Variants in LRP6 observed in about 807,000 individuals in gnomAD.
LRP6 encodes the protein LDL receptor related protein 6, also known as low-density lipoprotein receptor-related protein 6.
LRP6 carries 43 observed loss-of-function variants against 184.1 expected under a neutral mutation model. The ratio of observed to expected loss-of-function variants is 0.23; its 90% CI spans 0.18 to 0.30. LRP6 has a LOEUF of 0.30. Ranked by LOEUF, LRP6 falls within the 10% of genes least tolerant of loss-of-function variation. The probability of loss-of-function intolerance (pLI) is 1.00; values close to 1 mark genes in which losing one functional copy is unlikely to be tolerated. For synonymous variants in LRP6, 719 were observed against 684.9 expected (o/e 1.05, Z -0.78); for missense variants, 1,571 against 2,005.3 (o/e 0.78, Z 4.14).
intron 2 of LRP6, among the ~76,000 whole-genome samples, chr12:12,225,122 T>C (rs928213584): frequency 6.6e-6 from 1 of 152,074 alleles, no homozygotes; most frequent in Admixed American, 6.5e-5. Context: ...GGCGAATCGC[T>C]TGAACCCAGT....
chr12:12,148,646 C>T lies in LRP6; in HGVS notation c.3206+296G>A, dbSNP rs190739516. 9.9e-4 allele frequency among the ~76,000 whole-genome samples: 151 copies of T among 152,234 alleles called. 1 individual carries two copies. The highest frequency in any genetic ancestry group is 5.0e-3 in the East Asian group (26 of 5,180). On this transcript the variant is annotated intron_variant, in intron 14 of 22. Coordinates refer to ENST00000261349, the MANE Select transcript of LRP6 (RefSeq NM_002336.3). ...AGGAGGGGGCAAAAATCACATCTGGCTGGGATGAGGTAGATCGAGGAAAAC... is the reference window on the plus strand; with the variant it reads ...AGGAGGGGGCAAAAATCACATCTGGTTGGGATGAGGTAGATCGAGGAAAAC...
At position 12,221,634 on chromosome 12, in the gene LRP6, A is replaced by T. The variant is rs1323687423; in HGVS notation, c.450-18234T>A. On this transcript the variant is annotated intron_variant, in intron 2 of 22. Coordinates refer to ENST00000261349, the MANE Select transcript of LRP6 (RefSeq NM_002336.3). ...GAACTCAGGAATCAATATTTTTTTA[A>T]CAGCTTCCCAAGGAATTCTAATGCA... Among the ~76,000 whole-genome samples, 3 of 152,318 alleles carry T rather than the reference A, an allele frequency of 2.0e-5. No individual in the cohort carries two copies. The East Asian group carries it at 5.8e-4, about 29-fold the overall frequency.
intron 2 of LRP6, among the ~76,000 whole-genome samples, chr12:12,243,214 G>C (rs1469935757): frequency 2.0e-5 from 3 of 152,142 alleles, no homozygotes; most frequent in Non-Finnish European, 4.4e-5. Flanking sequence ...ATGAGACATA[G>C]TAACAGAGAA....
intron 1 of LRP6, among the ~76,000 whole-genome samples, chr12:12,256,842 G>C (rs1591992229): frequency 3.3e-5 from 5 of 152,184 alleles, no homozygotes; most frequent in Admixed American, 3.3e-4. Context: ...CAAAAGCTGA[G>C]ATTCAGAAAT....
At position 12,248,574 on chromosome 12, in the gene LRP6, C is replaced by T. The variant is rs367991362; in HGVS notation, c.56-3919G>A. Among the ~76,000 whole-genome samples the T allele has an allele frequency of 3.2e-4, 48 of 149,324 alleles. No homozygotes were observed. The East Asian group carries it at 6.4e-3, about 20-fold the overall frequency. ...TCGGCTCACTGCAAGGTCCGCCTCC[C>T]GGGTTCACGCCATTCTCCTGCCTCA... On this transcript the variant is annotated intron_variant, in intron 1 of 22. Coordinates refer to ENST00000261349, the MANE Select transcript of LRP6 (RefSeq NM_002336.3).
intron 3 of LRP6, among the ~76,000 whole-genome samples, chr12:12,202,343 G>C (rs923533495): frequency 8.5e-5 from 13 of 152,198 alleles, no homozygotes; most frequent in African/African-American, 2.9e-4. Context: ...CAGGGCATAA[G>C]ACCAGCCTGG....
At chr12:12,217,663 G>A (rs1041111587) in intron 2 of LRP6, among the ~76,000 whole-genome samples, 1 of 152,102 alleles carries the variant, frequency 6.6e-6, no homozygotes, top group Admixed American at 6.6e-5. Context: ...AATCAAGACA[G>A]TGTGATACTA....
intron 1 of LRP6, among the ~76,000 whole-genome samples, chr12:12,252,211 T>C (rs1865341000): frequency 6.6e-6 from 1 of 152,298 alleles, no homozygotes; most frequent in South Asian, 2.1e-4. Flanking sequence ...TCCGGTCACT[T>C]TTGGTTAAAT....
chr12:12,130,631 C>T, intron 19 of LRP6, 152 bp downstream of exon 19: 2 of 622,816 alleles, frequency 3.2e-6, no homozygotes, highest in Non-Finnish European at 5.7e-6. Flanking sequence ...TTACTGAAAG[C>T]AAAACATAAA....
At chr12:12,123,263 G>C (rs1313022834) in intron 22 of LRP6, among the ~76,000 whole-genome samples, 4 of 152,134 alleles carry the variant, frequency 2.6e-5, no homozygotes, top group Admixed American at 1.3e-4. Flanking sequence ...ATAAAATTTT[G>C]TATCTTTCTC....
At chr12:12,177,913 C>T (rs1320390632) in intron 7 of LRP6, among the ~76,000 whole-genome samples, 2 of 149,316 alleles carry the variant, frequency 1.3e-5, no homozygotes, top group East Asian at 1.9e-4. Flanking sequence ...AACGAATGAA[C>T]GAATGAATGA....
chr12:12,194,659 T>C (rs1863707314), intron 3 of LRP6, among the ~76,000 whole-genome samples: 1 of 152,134 alleles, frequency 6.6e-6, no homozygotes, highest in African/African-American at 2.4e-5. Context: ...TGTTGCAATA[T>C]ATATAAGGTA....
intron 1 of LRP6, chr12:12,248,904 T>G: frequency 2.9e-6 from 1 of 342,148 alleles, no homozygotes; most frequent in South Asian, 3.7e-5. Flanking sequence ...ACCTTCCACT[T>G]CCTATATATA....
intron 7 of LRP6, among the ~76,000 whole-genome samples, chr12:12,176,345 A>C (rs1457594525): frequency 6.6e-6 from 1 of 152,214 alleles, no homozygotes; most frequent in Non-Finnish European, 1.5e-5. Context: ...ACCTACAGAT[A>C]GGTGGCCACT....
At chr12:12,143,407 C>T (rs188521482) in intron 15 of LRP6, among the ~76,000 whole-genome samples, 1 of 152,064 alleles carries the variant, frequency 6.6e-6, no homozygotes, top group African/African-American at 2.4e-5. Context: ...GGGAAACTCA[C>T]AAGCTGATTC....
chr12:12,124,349 G>A (rs2136838282), intron 22 of LRP6, among the ~76,000 whole-genome samples: 2 of 152,106 alleles, frequency 1.3e-5, no homozygotes, highest in Admixed American at 1.3e-4. Context: ...CTCCAGCCTG[G>A]GCAACAAGAG....
chr12:12,205,287 A>G (rs1416783478), intron 2 of LRP6, among the ~76,000 whole-genome samples: 1 of 137,738 alleles, frequency 7.3e-6, no homozygotes, highest in African/African-American at 2.8e-5. Context: ...GTGCCACTGC[A>G]CTCCAGCCTG....
rs751650065 is a variant in LRP6, at chr12:12,165,326, T to A, written c.1546-31A>T. 6.3e-6 allele frequency: 9 copies of A among 1,433,290 alleles called. No homozygotes were observed. The Admixed American group carries it at 1.5e-4, about 24-fold the overall frequency. 88.8% of individuals were successfully genotyped at this position (1,433,290 alleles called of 1,614,324 possible). A position where few individuals can be genotyped will look rare whatever the true frequency, so the allele number is the denominator to read the frequency against. On this transcript the variant is annotated intron_variant, in intron 7 of 22. Coordinates refer to ENST00000261349, the MANE Select transcript of LRP6 (RefSeq NM_002336.3). ...GGTTTAAATTCAAAAGAGAAGGGGATGAATTATGCATTTATTCTTCAGCTA... is the reference window on the plus strand; with the variant it reads ...GGTTTAAATTCAAAAGAGAAGGGGAAGAATTATGCATTTATTCTTCAGCTA...
At chr12:12,209,947 C>T (rs1864165349) in intron 2 of LRP6, among the ~76,000 whole-genome samples, 1 of 151,976 alleles carries the variant, frequency 6.6e-6, no homozygotes, top group Admixed American at 6.6e-5. Flanking sequence ...ATAAAATATA[C>T]CAGAGAAAGT....
Sources: gnomAD v4.1 joint callset for allele counts (sites outside exome capture counted in the v4.1 genomes callset) on GRCh38, gnomAD v4.1.1 for gene constraint, MANE v1.5 for transcripts, NCBI Gene and HGNC (gene_info 2026-07-23, HGNC 2026-07-21) for gene names.